Variants in PNN observed in about 807,000 individuals in gnomAD.
PNN encodes the protein pinin, desmosome associated protein, also known as pinin.
A neutral mutation model predicts 76.6 loss-of-function variants in PNN; 38 were observed. The observed-to-expected ratio is 0.50, with a 90% CI of 0.38 to 0.65. The LOEUF is 0.65. Ranked by LOEUF, PNN falls within the 30% of genes least tolerant of loss-of-function variation. PNN has a pLI of 0.00. For synonymous variants in PNN, 366 were observed against 283.7 expected (o/e 1.29, Z -2.91); for missense variants, 873 against 874.1 (o/e 1.00, Z 0.02).
Position 39,179,189 on chromosome 14 carries a change from G to A in PNN, c.597G>A (p.Arg199=). 1.2e-6 allele frequency: 2 copies of A among 1,614,088 alleles called. No homozygotes were observed. The highest frequency in any genetic ancestry group is 1.7e-6 in the Non-Finnish European group (2 of 1,179,980). ...AAAGGAGAGAACTGTTTGAAGAGAG[G>A]CGTGCTAAACAGACAGAACTGCGGC... ...ENERRELFEE[R]RAKQTELRLL... The change falls in exon 7 of 9, where the codon AGG becomes AGA. Residue 199 remains arginine, a synonymous_variant. Coordinates refer to ENST00000216832, the MANE Select transcript of PNN (RefSeq NM_002687.4).
At chr14:39,178,710 T>TA (rs2053247861) in intron 6 of PNN, among the ~76,000 whole-genome samples, 1 of 137,898 alleles carries the variant, frequency 7.3e-6, no homozygotes, top group South Asian at 2.3e-4. Flanking sequence ...GGCCTGCAGA[T>TA]ACCTTTACAT....
rs1224459046 is a variant in PNN, at chr14:39,179,409, G to A, written c.740G>A (p.Arg247Lys). 6.2e-7 allele frequency: 1 copy of A among 1,612,888 alleles called. No homozygotes were observed. Among genetic ancestry groups the A allele is most frequent in the Non-Finnish European group, 8.5e-7 (1 of 1,178,992 alleles). The change falls in exon 8 of 9, where the codon AGA (arginine) becomes AAA (lysine). Residue 247 changes from arginine (R) to lysine (K), a missense_variant. Transcript: ENST00000216832. ...CCCCATTTGTTTTATATTCCTGGAA[G>A]AATGTGTCCAGCTACCCAAAAACTA... Reference protein sequence around the residue: ...TKPHLFYIPGRMCPATQKLIE... With the variant: ...TKPHLFYIPGKMCPATQKLIE...
chr14:39,181,284 T>C lies in PNN; in HGVS notation c.1575T>C (p.Pro525=). ...QVTQEQGHLL[P]ERKDFPVESV... ...CTCAGGAGCAAGGGCATTTACTACC[T>C]GAGAGGAAGGATTTTCCTGTAGAGT... The change falls in exon 9 of 9, where the codon CCT becomes CCC. Residue 525 remains proline, a synonymous_variant. Transcript: ENST00000216832. The C allele has an allele frequency of 6.2e-7, 1 of 1,614,074 alleles. No homozygotes were observed. The highest frequency in any genetic ancestry group is 8.5e-7 in the Non-Finnish European group (1 of 1,179,978).
In PNN at chr14:39,175,348, T is replaced by C. The variant is rs1364184414; in HGVS notation, c.69T>C (p.Asp23=). 3 of 1,612,744 alleles carry C rather than the reference T, an allele frequency of 1.9e-6. No individual in the cohort carries two copies. The Admixed American group carries it at 5.0e-5, about 27-fold the overall frequency. Residue 23 remains aspartate (D), a synonymous_variant, in exon 1 of 9, where the codon GAT becomes GAC. Coordinates refer to ENST00000216832, the MANE Select transcript of PNN (RefSeq NM_002687.4). ...EKAKESLKNV[D]ENIRKLTGRD... ...CCAAAGAGAGTCTTAAGAACGTGGA[T>C]GAGAACATTCGCAAGCTCACCGGGC...
At chr14:39,177,532 T>C in intron 4 of PNN, 48 bp downstream of exon 4, 3 of 1,595,948 alleles carry the variant, frequency 1.9e-6, no homozygotes, top group Non-Finnish European at 1.7e-6. Context: ...TTCACTTTAC[T>C]ACATTTAAAA....
In PNN at chr14:39,179,486, G is replaced by A. The variant is rs766708877; in HGVS notation, c.793+24G>A. On this transcript the variant is annotated intron_variant, in intron 8 of 8. Coordinates refer to ENST00000216832, the MANE Select transcript of PNN (RefSeq NM_002687.4). ...CGGTAAGTATGCGAAGAGGTCCATT[G>A]AATTGTTCATAGTGGGTAAGGTAAT... The A allele has an allele frequency of 8.8e-6, 14 of 1,598,692 alleles. No individual in the cohort carries two copies. The South Asian group carries it at 1.4e-4, about 17-fold the overall frequency.
At position 39,177,859 on chromosome 14, in the gene PNN, C is replaced by T. The variant is rs2053241131; in HGVS notation, c.441C>T (p.Gly147=). Residue 147 remains glycine, a synonymous_variant, in exon 6 of 9, where the codon GGC becomes GGT. Coordinates refer to ENST00000216832, the MANE Select transcript of PNN (RefSeq NM_002687.4). ...TCTTTAGGAACCGGCGAATATTTGG[C>T]TTGTTGATGGGTACCCTTCAAAAAT... ...KGKQRNRRIF[G]LLMGTLQKFK... 4 of 1,611,188 alleles carry T rather than the reference C, an allele frequency of 2.5e-6. No homozygotes were observed. The highest frequency in any genetic ancestry group is 1.3e-5 in the African/African-American group (1 of 74,840).
At position 39,182,853 on chromosome 14, in the gene PNN, T is replaced by C. The variant is rs1258116068; in HGVS notation, c.*990T>C. The C allele has an allele frequency of 6.5e-6, 1 of 152,684 alleles. No individual in the cohort carries two copies. The highest frequency in any genetic ancestry group is 2.4e-5 in the African/African-American group (1 of 41,472). 9.5% of individuals were successfully genotyped at this position (152,684 alleles called of 1,614,324 possible). On this transcript the variant is annotated 3_prime_UTR_variant, in exon 9 of 9. Transcript: ENST00000216832. ...ACACACAAGTGTACCAAGTGATTATTAACTTTGTTGTTTTACAAATTTGTA... is the reference window on the plus strand; with the variant it reads ...ACACACAAGTGTACCAAGTGATTATCAACTTTGTTGTTTTACAAATTTGTA...
chr14:39,180,830 A>G lies in PNN; in HGVS notation c.1121A>G (p.Glu374Gly), dbSNP rs758429765. 37 of 1,613,964 alleles carry G rather than the reference A, an allele frequency of 2.3e-5. No homozygotes were observed. In the South Asian group the frequency reaches 4.1e-4, roughly 18 times the overall value. Reference sequence around the variant, plus strand: ...ATGGAGGAGGAAACTGAGGTAAGGGAAAGTGAGAAGCAGCAGGATAGTCAG... The same window carrying G: ...ATGGAGGAGGAAACTGAGGTAAGGGGAAGTGAGAAGCAGCAGGATAGTCAG... ...VKMEEETEVR[E>G]SEKQQDSQPE... is the part of the protein sequence containing the mutation. Residue 374 changes from glutamate (E) to glycine (G), a missense_variant, in exon 9 of 9, where the codon GAA becomes GGA. Glu to Gly is a moderately conservative substitution (Grantham distance 98). Around this residue, in one of 3 missense-constraint regions of PNN, gnomAD observed 712 missense variants for 693.1 expected, o/e 1.03. Coordinates refer to ENST00000216832, the MANE Select transcript of PNN (RefSeq NM_002687.4).
At chr14:39,177,539 A>G (rs777670176) in intron 4 of PNN, 54 bp from the exon 5 acceptor site, 2 of 1,596,170 alleles carry the variant, frequency 1.3e-6, no homozygotes, top group African/African-American at 1.3e-5. Context: ...TACTACATTT[A>G]AAAGCACACC....
chr14:39,180,604 C>T lies in PNN; in HGVS notation c.895C>T (p.Arg299Cys), dbSNP rs771154306. 9.9e-6 allele frequency: 16 copies of T among 1,613,814 alleles called. No homozygotes were observed. The highest frequency in any genetic ancestry group is 8.8e-5 in the South Asian group (8 of 91,046). The change falls in exon 9 of 9, where the codon CGT becomes TGT. Residue 299 changes from arginine to cysteine, a missense_variant. Transcript: ENST00000216832. ...SMKEKEHQVV[R>C]NEEQKAEQEE... is the part of the protein sequence containing the mutation. ...GAAGGAAAAAGAGCATCAGGTGGTG[C>T]GTAATGAAGAACAGAAGGCGGAACA... is the stretch of plus-strand genomic sequence containing the variant.
At chr14:39,178,053 T>TCC (rs2053242728) in intron 6 of PNN, 137 bp downstream of exon 6, 1 of 663,996 alleles carries the variant, frequency 1.5e-6, no homozygotes, top group Non-Finnish European at 2.7e-6. Context: ...AAACTTGGTT[T>TCC]AACTTCTTAT....
chr14:39,175,833 TC>T (rs1370646163), intron 1 of PNN: 3 of 516,982 alleles, frequency 5.8e-6, no homozygotes, highest in African/African-American at 2.0e-5. Flanking sequence ...GGGGACCTGA[TC>T]CAGGCTTGTT....
At position 39,182,078 on chromosome 14, in the gene PNN, AT is replaced by A; in HGVS notation, c.*216del. The A allele has an allele frequency of 2.2e-6, 1 of 449,016 alleles. No homozygotes were observed. Among genetic ancestry groups the A allele is most frequent in the Non-Finnish European group, 3.9e-6 (1 of 256,512 alleles). 27.8% of individuals were successfully genotyped at this position (449,016 alleles called of 1,614,324 possible). ...TCAAAATTATGTGAGGTTCCAAAATATGTAAAAATGATAATAATAAAAAAAG... is the reference window on the plus strand; with the variant it reads ...TCAAAATTATGTGAGGTTCCAAAATAGTAAAAATGATAATAATAAAAAAAG... On this transcript the variant is annotated 3_prime_UTR_variant, in exon 9 of 9. Coordinates refer to ENST00000216832, the MANE Select transcript of PNN (RefSeq NM_002687.4).
In PNN at chr14:39,181,944, G is replaced by C. The variant is rs1379846819; in HGVS notation, c.*81G>C. On this transcript the variant is annotated 3_prime_UTR_variant, in exon 9 of 9. Transcript: ENST00000216832. ...AAAGGATTACCTTTCCTTGTAAAGA[G>C]GATGCTGCCTTAAGAATTGCATGTT... 7.4e-7 allele frequency: 1 copy of C among 1,356,950 alleles called. No individual in the cohort carries two copies. The highest frequency in any genetic ancestry group is 9.9e-7 in the Non-Finnish European group (1 of 1,009,164). 84.1% of individuals were successfully genotyped at this position (1,356,950 alleles called of 1,614,324 possible).
chr14:39,182,113 C>T lies in PNN; in HGVS notation c.*250C>T, dbSNP rs886284979. Reference sequence around the variant, plus strand: ...GATAATAATAAAAAAAGATTAACATCCCTTGTCATCTTTTTTAAATATCCT... The same window carrying T: ...GATAATAATAAAAAAAGATTAACATTCCTTGTCATCTTTTTTAAATATCCT... On this transcript the variant is annotated 3_prime_UTR_variant, in exon 9 of 9. Transcript: ENST00000216832. 3.8e-5 allele frequency: 14 copies of T among 365,816 alleles called. No individual in the cohort carries two copies. The highest frequency in any genetic ancestry group is 9.8e-6 in the Non-Finnish European group (2 of 204,024). The allele number at this position is 365,816 out of a possible 1,614,324, so 22.7% of individuals were successfully genotyped here.
At chr14:39,177,947 TATTTAAG>T in intron 6 of PNN, 31 bp downstream of exon 6, 1 of 1,311,882 alleles carries the variant, frequency 7.6e-7, no homozygotes, top group African/African-American at 1.5e-5. Context: ...TTGCATCATA[TATTTAAG>T]TTATCAAAGT....
chr14:39,178,885 C>G (rs369194606), intron 6 of PNN: 12 of 472,736 alleles, frequency 2.5e-5, no homozygotes, highest in East Asian at 3.8e-5. Flanking sequence ...ATTATAGGTG[C>G]GTGCAACCAC....
Position 39,176,601 on chromosome 14 carries a change from T to C in PNN, c.254+6T>C, listed in dbSNP as rs1363974228. On this transcript the variant is annotated splice_donor_region_variant and intron_variant, in intron 3 of 8. Transcript: ENST00000216832. ...CTTGAAGGGGCAGTCAGTAGGTAGG[T>C]TTAAAAAAAGATTCCTGAAGGCTTC... 6.3e-7 allele frequency: 1 copy of C among 1,579,078 alleles called. No individual in the cohort carries two copies. Among genetic ancestry groups the C allele is most frequent in the South Asian group, 1.1e-5 (1 of 87,052 alleles).
Sources: allele counts gnomAD v4.1 joint callset (sites outside exome capture counted in the v4.1 genomes callset), GRCh38; gene constraint gnomAD v4.1.1; regional missense constraint gnomAD v4.1.1; transcripts MANE v1.5; gene names NCBI Gene and HGNC (gene_info 2026-07-23, HGNC 2026-07-21).